The following TRPM3 variants were observed in gnomAD, a reference collection of about 807,000 sequenced individuals.
TRPM3 encodes long transient receptor potential channel 3.
TRPM3 carries 77 observed loss-of-function variants against 181.2 expected under a neutral mutation model. The observed-to-expected ratio is 0.42, with a 90% CI of 0.35 to 0.51. The LOEUF is 0.51. TRPM3 is among the 20% of genes least tolerant of loss of function. TRPM3 has a pLI of 0.01. For missense variants in TRPM3, 1,759 were observed against 2,196.7 expected (o/e 0.80, Z 3.98); for synonymous variants, 745 against 796.4 (o/e 0.94, Z 1.09).
chr9:71,057,040 A>G (rs2060750590), intron 1 of TRPM3, among the ~76,000 whole-genome samples: 1 of 152,042 alleles, frequency 6.6e-6, no homozygotes, highest in Non-Finnish European at 1.5e-5. Flanking sequence ...CAAAATAGGG[A>G]AAGAGGATAA....
At chr9:71,102,769 T>A (rs938750767) in intron 1 of TRPM3, among the ~76,000 whole-genome samples, 5 of 152,204 alleles carry the variant, frequency 3.3e-5, no homozygotes, top group African/African-American at 1.2e-4. Flanking sequence ...GAAAGCAATA[T>A]GATTAATTAT....
At chr9:70,571,247 T>C (rs1367433687) in intron 22 of TRPM3, among the ~76,000 whole-genome samples, 2 of 152,246 alleles carry the variant, frequency 1.3e-5, no homozygotes, top group Non-Finnish European at 2.9e-5. Context: ...ACTAGCTGTG[T>C]AACCTTTGGC....
intron 1 of TRPM3, among the ~76,000 whole-genome samples, chr9:71,190,681 C>A (rs1235518324): frequency 2.0e-5 from 3 of 151,810 alleles, no homozygotes; most frequent in African/African-American, 7.2e-5. Flanking sequence ...AATATAGGGT[C>A]TCCATATCTT....
At chr9:71,085,500 T>G (rs950941673) in intron 1 of TRPM3, among the ~76,000 whole-genome samples, 1 of 151,584 alleles carries the variant, frequency 6.6e-6, no homozygotes, top group Admixed American at 6.6e-5. Flanking sequence ...CAAAAGAAGA[T>G]ACACAAGTGA....
chr9:70,881,957 G>A (rs1226379194), intron 1 of TRPM3, among the ~76,000 whole-genome samples: 1 of 152,134 alleles, frequency 6.6e-6, no homozygotes, highest in Non-Finnish European at 1.5e-5. Context: ...TTTAAGAGAG[G>A]AATGAATTAT....
intron 1 of TRPM3, among the ~76,000 whole-genome samples, chr9:70,988,755 G>C (rs935514599): frequency 6.6e-6 from 1 of 152,186 alleles, no homozygotes; most frequent in African/African-American, 2.4e-5. Context: ...ATGTCAGAGA[G>C]ATGCTCTTGG....
At chr9:70,884,248 A>G (rs1422813528) in intron 1 of TRPM3, among the ~76,000 whole-genome samples, 1 of 152,192 alleles carries the variant, frequency 6.6e-6, no homozygotes, top group Non-Finnish European at 1.5e-5. Context: ...CTGTATTACA[A>G]AAGTTGTGCT....
intron 1 of TRPM3, among the ~76,000 whole-genome samples, chr9:71,342,984 C>A (rs1470167331): frequency 6.6e-6 from 1 of 151,908 alleles, no homozygotes; most frequent in African/African-American, 2.4e-5. Context: ...CAATAGTGTA[C>A]CCTTTGTATA....
At chr9:70,866,735 G>C (rs1354213326) in intron 1 of TRPM3, among the ~76,000 whole-genome samples, 1 of 152,018 alleles carries the variant, frequency 6.6e-6, no homozygotes, top group Non-Finnish European at 1.5e-5. Context: ...CCTCTTCTAT[G>C]TCACATGGAT....
intron 6 of TRPM3, among the ~76,000 whole-genome samples, chr9:70,785,875 G>A (rs2083475530): frequency 6.6e-6 from 1 of 152,182 alleles, no homozygotes; most frequent in African/African-American, 2.4e-5. Context: ...AGAAAATGAT[G>A]ATTGTTGATC....
chr9:70,927,004 T>G (rs1436027064), intron 1 of TRPM3, among the ~76,000 whole-genome samples: 1 of 152,192 alleles, frequency 6.6e-6, no homozygotes, highest in Non-Finnish European at 1.5e-5. Flanking sequence ...GCACCATATC[T>G]AAGGAAATTC....
rs542419859 is a variant in TRPM3 at position 70,798,019 on chromosome 9, G to C, written c.974-13740C>G. ...AAGTACTTCTTTTATTTCTCAAATT[G>C]GTCAGAACTTGGATGCAGAAAAGGA... On this transcript the variant is annotated intron_variant, in intron 6 of 25. Transcript: ENST00000677713. 2.0e-5 allele frequency among the ~76,000 whole-genome samples: 3 copies of C among 152,224 alleles called. No homozygotes were observed. In the South Asian group the frequency reaches 6.2e-4, roughly 32 times the overall value.
chr9:70,869,148 A>C (rs1219237274), intron 1 of TRPM3: 1 of 755,242 alleles, frequency 1.3e-6, no homozygotes, highest in Non-Finnish European at 1.6e-6. Flanking sequence ...GAGACGTTTC[A>C]AGTAAGCAAT....
chr9:71,096,624 T>TCTCTCTCTCTCTCTCTCC (rs1397956274), intron 1 of TRPM3, among the ~76,000 whole-genome samples: 10 of 142,422 alleles, frequency 7.0e-5, no homozygotes, highest in African/African-American at 2.6e-4. Flanking sequence ...TCTCTCTCTC[T>TCTCTCTCTCTCTCTCTCC]CCCCCTCTCC....
intron 22 of TRPM3, among the ~76,000 whole-genome samples, chr9:70,578,546 C>T (rs17055326): frequency 0.034 from 5,120 of 152,304 alleles, 250 homozygotes; most frequent in East Asian, 0.1. Flanking sequence ...GTTGACTGTT[C>T]AGACACCCTA....
intron 20 of TRPM3, among the ~76,000 whole-genome samples, chr9:70,600,915 A>T (rs911196460): frequency 6.6e-6 from 1 of 152,270 alleles, no homozygotes; most frequent in South Asian, 2.1e-4. Flanking sequence ...TCCCAACATT[A>T]AAAAAGAGAT....
chr9:71,361,220 C>A (rs935430524), intron 1 of TRPM3, among the ~76,000 whole-genome samples: 2 of 152,306 alleles, frequency 1.3e-5, no homozygotes, highest in Middle Eastern at 3.4e-3. Flanking sequence ...CTCCTGACCT[C>A]AGGTGATCCG....
At chr9:71,438,295 A>G (rs558478659) in intron 1 of TRPM3, among the ~76,000 whole-genome samples, 1 of 152,332 alleles carries the variant, frequency 6.6e-6, no homozygotes, top group Non-Finnish European at 1.5e-5. Flanking sequence ...GAGATAATCA[A>G]GTAAATACAG....
chr9:71,435,092 T>G (rs1221770768), intron 1 of TRPM3, among the ~76,000 whole-genome samples: 3 of 152,206 alleles, frequency 2.0e-5, no homozygotes, highest in Admixed American at 6.5e-5. Flanking sequence ...ACAGCTTCGA[T>G]TTAATTAATC....
Sources: allele counts gnomAD v4.1 joint callset (sites outside exome capture counted in the v4.1 genomes callset), GRCh38; gene constraint gnomAD v4.1.1; transcripts MANE v1.5; gene names NCBI Gene and HGNC (gene_info 2026-07-23, HGNC 2026-07-21).